Variants in MALL observed in about 807,000 individuals in gnomAD.
MALL encodes the protein MAL-like protein.
A neutral mutation model predicts 10.3 loss-of-function variants in MALL; 2 were observed. That is an observed-to-expected ratio of 0.19 (90% CI 0.08 to 0.61). The LOEUF (loss-of-function observed/expected upper bound fraction) is 0.61, where lower values mean the gene tolerates loss of function less well. Among genes scored for constraint, MALL ranks in the 20% least tolerant of loss-of-function variants. MALL has a pLI of 0.88. For synonymous variants in MALL, 27 were observed against 51.8 expected (o/e 0.52, Z 2.05); for missense variants, 39 against 115.2 (o/e 0.34, Z 3.03).
chr2:110,095,244 A>T (rs1678416670), intron 1 of MALL, among the ~76,000 whole-genome samples: 1 of 152,162 alleles, frequency 6.6e-6, no homozygotes, highest in Non-Finnish European at 1.5e-5. Context: ...GGTGGCCTAA[A>T]CTGCTTTCCC....
In MALL at chr2:110,102,330, C is replaced by T. The variant is rs1166329920; in HGVS notation, c.106-10560G>A. 2.0e-5 allele frequency among the ~76,000 whole-genome samples: 3 copies of T among 151,274 alleles called. No homozygotes were observed. In the South Asian group the frequency reaches 6.3e-4, roughly 32 times the overall value. ...AAGCCACCCTTGACTACCAAGTCCC[C>T]CAGCATACCTCCCCTAGGATCACTC... On this transcript the variant is annotated intron_variant, in intron 1 of 3. Coordinates refer to ENST00000272462, the MANE Select transcript of MALL (RefSeq NM_005434.5).
At chr2:110,098,200 C>G (rs1559030034) in intron 1 of MALL, among the ~76,000 whole-genome samples, 1 of 151,616 alleles carries the variant, frequency 6.6e-6, no homozygotes, top group Non-Finnish European at 1.5e-5. Context: ...ACCTCTCTCT[C>G]TTTTTAAAAA....
At chr2:110,099,703 T>C (rs17162310) in intron 1 of MALL, among the ~76,000 whole-genome samples, 9,389 of 152,126 alleles carry the variant, frequency 0.062, 594 homozygotes, top group African/African-American at 0.16. Context: ...TTAGTCCTGG[T>C]CAACGAGACA....
chr2:110,115,017 G>T (rs986362742), intron 1 of MALL, among the ~76,000 whole-genome samples: 2 of 152,050 alleles, frequency 1.3e-5, no homozygotes, highest in African/African-American at 2.4e-5. Context: ...CGACTCAGTC[G>T]TAGGGCGCCC....
At chr2:110,100,151 G>A (rs1678532413) in intron 1 of MALL, among the ~76,000 whole-genome samples, 1 of 152,058 alleles carries the variant, frequency 6.6e-6, no homozygotes, top group Non-Finnish European at 1.5e-5. Context: ...TTCATGGATT[G>A]TGACTCCATT....
At chr2:110,112,321 C>T (rs908760062) in intron 1 of MALL, among the ~76,000 whole-genome samples, 4 of 152,106 alleles carry the variant, frequency 2.6e-5, no homozygotes, top group Non-Finnish European at 4.4e-5. Flanking sequence ...AGAAAATCTT[C>T]GCAATCTGTA....
intron 1 of MALL, among the ~76,000 whole-genome samples, chr2:110,102,929 C>T (rs1456113365): frequency 3.9e-5 from 6 of 152,172 alleles, no homozygotes; most frequent in Middle Eastern, 3.2e-3. Context: ...ACACATCCCC[C>T]TCCATACCTC....
At chr2:110,117,722 G>T (rs1263410169), upstream of MALL, among the ~76,000 whole-genome samples, 2 of 151,558 alleles carry the variant, frequency 1.3e-5, no homozygotes, top group African/African-American at 4.9e-5. Context: ...CAGAGACAAA[G>T]GTTCCCCTTT....
At chr2:110,097,002 G>T (rs1265446081) in intron 1 of MALL, among the ~76,000 whole-genome samples, 1 of 151,204 alleles carries the variant, frequency 6.6e-6, no homozygotes, top group Non-Finnish European at 1.5e-5. Flanking sequence ...TTACAGAAAA[G>T]CTAGGAAATG....
intron 1 of MALL, among the ~76,000 whole-genome samples, chr2:110,115,103 A>G (rs1363032605): frequency 6.6e-6 from 1 of 152,110 alleles, no homozygotes; most frequent in Non-Finnish European, 1.5e-5. Flanking sequence ...AGATGTTGCC[A>G]TAGCTACCTG....
chr2:110,112,668 A>C (rs1257614223), intron 1 of MALL, among the ~76,000 whole-genome samples: 1 of 152,112 alleles, frequency 6.6e-6, no homozygotes, highest in Non-Finnish European at 1.5e-5. Context: ...TATGGAAAAC[A>C]GTGTGGAGTT....
intron 1 of MALL, among the ~76,000 whole-genome samples, chr2:110,110,223 G>A (rs1678776450): frequency 6.6e-6 from 1 of 151,928 alleles, no homozygotes; most frequent in African/African-American, 2.4e-5. Context: ...CAAGATCAGA[G>A]CAGAACTAAA....
chr2:110,095,464 G>A lies in MALL; in HGVS notation c.106-3694C>T, dbSNP rs552535579. On this transcript the variant is annotated intron_variant, in intron 1 of 3. Coordinates refer to ENST00000272462, the MANE Select transcript of MALL (RefSeq NM_005434.5). Reference sequence around the variant, plus strand: ...AGGCTGAACTGAAACTTGAAAGGACGTCTTAAGGAAAGATGGAGCTTAACA... The same window carrying A: ...AGGCTGAACTGAAACTTGAAAGGACATCTTAAGGAAAGATGGAGCTTAACA... Among the ~76,000 whole-genome samples, 3 of 152,122 alleles carry A rather than the reference G, an allele frequency of 2.0e-5. No homozygotes were observed. In the South Asian group the frequency reaches 6.2e-4, roughly 32 times the overall value.
intron 1 of MALL, among the ~76,000 whole-genome samples, chr2:110,104,880 T>A (rs1487286251): frequency 6.6e-6 from 1 of 152,120 alleles, no homozygotes; most frequent in African/African-American, 2.4e-5. Context: ...GGGGCTAGAG[T>A]GGCAGTAGTG....
At chr2:110,110,313 G>A (rs894856305) in intron 1 of MALL, among the ~76,000 whole-genome samples, 1 of 151,986 alleles carries the variant, frequency 6.6e-6, no homozygotes. Context: ...AAAATTAATA[G>A]ACCATTAGCA....
intron 1 of MALL, among the ~76,000 whole-genome samples, chr2:110,115,303 T>G (rs1678883375): frequency 6.6e-6 from 1 of 152,134 alleles, no homozygotes; most frequent in South Asian, 2.1e-4. Flanking sequence ...CCTGGATATT[T>G]TAGCGACGTC....
At chr2:110,095,694 A>T (rs1678426414) in intron 1 of MALL, among the ~76,000 whole-genome samples, 1 of 152,018 alleles carries the variant, frequency 6.6e-6, no homozygotes, top group Non-Finnish European at 1.5e-5. Context: ...ATCATTTAAA[A>T]AAAGAAAAAA....
At position 110,110,757 on chromosome 2, in the gene MALL, C is replaced by T. The variant is rs569398291; in HGVS notation, c.105+4931G>A. 6.6e-4 allele frequency among the ~76,000 whole-genome samples: 100 copies of T among 152,052 alleles called. 1 individual carries two copies. The highest frequency in any genetic ancestry group is 1.9e-3 in the African/African-American group (80 of 41,502). ...CCCTAATATCAAAACCAGGAAAGGACGTAACCAAAAAAGAAAACTACAGAC... is the reference window on the plus strand; with the variant it reads ...CCCTAATATCAAAACCAGGAAAGGATGTAACCAAAAAAGAAAACTACAGAC... On this transcript the variant is annotated intron_variant, in intron 1 of 3. Transcript: ENST00000272462.
intron 1 of MALL, among the ~76,000 whole-genome samples, chr2:110,114,007 C>T (rs1678858260): frequency 6.6e-6 from 1 of 151,992 alleles, no homozygotes; most frequent in African/African-American, 2.4e-5. Context: ...GGCCCCAGAG[C>T]CCAACACCAG....
Sources: allele counts gnomAD v4.1 joint callset (sites outside exome capture counted in the v4.1 genomes callset), GRCh38; gene constraint gnomAD v4.1.1; transcripts MANE v1.5; gene names NCBI Gene and HGNC (gene_info 2026-07-23, HGNC 2026-07-21).